CCR4: variants seen among roughly 807,000 people sequenced by gnomAD.
CCR4 encodes the protein C-C chemokine receptor type 4.
In CCR4, 9 loss-of-function variants were observed where a neutral mutation model predicts 17.1. The observed-to-expected ratio is 0.53, with a 90% confidence interval of 0.32 to 0.92. The LOEUF is 0.92. Ranked by LOEUF, CCR4 falls within the 40% of genes least tolerant of loss-of-function variation. CCR4 has a pLI of 0.04. For missense variants in CCR4, 385 were observed against 433.9 expected, an observed-to-expected ratio of 0.89 and a Z score of 1.00; for synonymous variants, 217 against 174.3, an observed-to-expected ratio of 1.24 and a Z score of -1.93.
At chr3:32,952,959 A>G (rs919650675) in intron 1 of CCR4, among the ~76,000 whole-genome samples, 5 of 152,216 alleles carry the variant, frequency 3.3e-5, no homozygotes, top group African/African-American at 7.2e-5. Context: ...GATGATGATC[A>G]TGATCATATA....
At chr3:32,951,896 G>A (rs1285976668) in intron 1 of CCR4, among the ~76,000 whole-genome samples, 1 of 151,998 alleles carries the variant, frequency 6.6e-6, no homozygotes, top group Non-Finnish European at 1.5e-5. Flanking sequence ...CACACATCTG[G>A]CCTGAGTCCA....
rs1697717848 is a variant in CCR4 at position 32,953,676 on chromosome 3, A to G, written c.254A>G (p.Asp85Gly). 1.9e-6 allele frequency: 3 copies of G among 1,613,942 alleles called. No individual in the cohort carries two copies. The highest frequency in any genetic ancestry group is 2.5e-6 in the Non-Finnish European group (3 of 1,179,996). Residue 85 changes from aspartate to glycine, a missense_variant, in exon 2 of 2, where the codon GAT (aspartate) becomes GGT (glycine). By Grantham distance (94) the Asp-to-Gly change is moderately conservative. Transcript: ENST00000330953. ...DVYLLNLAIS[D>G]LLFVFSLPFW... ...TACCTGCTCAACCTTGCCATCTCGGATCTGCTCTTCGTGTTTTCCCTCCCT... is the reference window on the plus strand; with the variant it reads ...TACCTGCTCAACCTTGCCATCTCGGGTCTGCTCTTCGTGTTTTCCCTCCCT...
Position 32,953,360 on chromosome 3 carries a change from T to G in CCR4, c.-51-12T>G. 1.3e-6 allele frequency: 2 copies of G among 1,516,242 alleles called. No individual in the cohort carries two copies. Among genetic ancestry groups the G allele is most frequent in the Non-Finnish European group, 1.8e-6 (2 of 1,139,376 alleles). The allele number at this position is 1,516,242 out of a possible 1,614,324, so 93.9% of individuals were successfully genotyped here. A position where few individuals can be genotyped will look rare whatever the true frequency, so the allele number is the denominator to read the frequency against. On this transcript the variant is annotated splice_polypyrimidine_tract_variant and intron_variant, in intron 1 of 1. Coordinates refer to ENST00000330953, the MANE Select transcript of CCR4 (RefSeq NM_005508.5). Reference sequence around the variant, plus strand: ...TTCTCACAGAAATCTCCTTTGCTCTTCCCCTCATTAGCTGCTTCTGGTTGG... The same window carrying G: ...TTCTCACAGAAATCTCCTTTGCTCTGCCCCTCATTAGCTGCTTCTGGTTGG...
At chr3:32,953,222 T>G (rs1414119196) in intron 1 of CCR4, 150 bp from the exon 2 acceptor site, 1 of 518,490 alleles carries the variant, frequency 1.9e-6, no homozygotes, top group Non-Finnish European at 3.2e-6. Flanking sequence ...TTCGTCTGGC[T>G]GCAGGGCCCT....
intron 1 of CCR4, 21 bp from the exon 2 acceptor site, chr3:32,953,351 C>G: frequency 6.7e-7 from 1 of 1,503,418 alleles, no homozygotes; most frequent in South Asian, 1.3e-5. Flanking sequence ...CAGAAATCTC[C>G]TTTGCTCTTC....
Position 32,953,483 on chromosome 3 carries a change from C to G in CCR4, c.61C>G (p.Leu21Val), listed in dbSNP as rs1475816567. ...LDESIYSNYYLYESIPKPCTK... is the reference protein window; with the variant it reads ...LDESIYSNYYVYESIPKPCTK... ...TGAAAGCATATACAGCAATTACTATCTGTATGAAAGTATCCCCAAGCCTTG... is the reference window on the plus strand; with the variant it reads ...TGAAAGCATATACAGCAATTACTATGTGTATGAAAGTATCCCCAAGCCTTG... Residue 21 changes from leucine to valine, a missense_variant, in exon 2 of 2, where the codon CTG (leucine) becomes GTG (valine). By Grantham distance (32) the Leu-to-Val change is conservative. Transcript: ENST00000330953. 4.3e-6 allele frequency: 7 copies of G among 1,614,076 alleles called. No individual in the cohort carries two copies. The highest frequency in any genetic ancestry group is 2.2e-5 in the East Asian group (1 of 44,886).
At position 32,955,803 on chromosome 3, in the gene CCR4, G is replaced by GT. The variant is rs1343559337; in HGVS notation, c.*1301dup. The GT allele has an allele frequency of 6.4e-6, 1 of 156,636 alleles. No individual in the cohort carries two copies. The highest frequency in any genetic ancestry group is 1.5e-5 in the Non-Finnish European group (1 of 67,976). The allele number at this position is 156,636 out of a possible 1,614,324, so 9.7% of individuals were successfully genotyped here. A position where few individuals can be genotyped will look rare whatever the true frequency, so the allele number is the denominator to read the frequency against. On this transcript the variant is annotated 3_prime_UTR_variant, in exon 2 of 2. Coordinates refer to ENST00000330953, the MANE Select transcript of CCR4 (RefSeq NM_005508.5). ...TTTTTGTATTTTCAGTAGAGATGGG[G>GT]TTTCACCATGTTAGCAAGGATGGTT...
chr3:32,952,986 G>T (rs895005628), intron 1 of CCR4, among the ~76,000 whole-genome samples: 5 of 152,170 alleles, frequency 3.3e-5, no homozygotes, highest in African/African-American at 1.2e-4. Context: ...ACCCAATTGA[G>T]AATTGTTCAA....
In CCR4 at chr3:32,954,304, T is replaced by C; in HGVS notation, c.882T>C (p.Phe294=). 1 of 1,614,108 alleles carries C rather than the reference T, an allele frequency of 6.2e-7. No homozygotes were observed. The highest frequency in any genetic ancestry group is 8.5e-7 in the Non-Finnish European group (1 of 1,180,028). ...TCCAGGCCACAGAAACTCTGGCTTTTGTTCACTGCTGCCTTAATCCCATCA... is the reference window on the plus strand; with the variant it reads ...TCCAGGCCACAGAAACTCTGGCTTTCGTTCACTGCTGCCTTAATCCCATCA... ...YAIQATETLA[F]VHCCLNPIIY... The change falls in exon 2 of 2, where the codon TTT becomes TTC. Residue 294 remains phenylalanine (F), a synonymous_variant. Transcript: ENST00000330953.
chr3:32,953,698 C>T lies in CCR4; in HGVS notation c.276C>T (p.Leu92=), dbSNP rs764331895. The T allele has an allele frequency of 7.4e-6, 12 of 1,614,054 alleles. No homozygotes were observed. The highest frequency in any genetic ancestry group is 8.5e-7 in the Non-Finnish European group (1 of 1,180,030). The part of the protein sequence containing the change: ...AISDLLFVFS[L]PFWGYYAADQ... Reference sequence around the variant, plus strand: ...CGGATCTGCTCTTCGTGTTTTCCCTCCCTTTTTGGGGCTACTATGCAGCAG... The same window carrying T: ...CGGATCTGCTCTTCGTGTTTTCCCTTCCTTTTTGGGGCTACTATGCAGCAG... Residue 92 remains leucine, a synonymous_variant, in exon 2 of 2, where the codon CTC becomes CTT. Coordinates refer to ENST00000330953, the MANE Select transcript of CCR4 (RefSeq NM_005508.5).
At chr3:32,952,715 A>AGT (rs1328238917) in intron 1 of CCR4, among the ~76,000 whole-genome samples, 3 of 152,234 alleles carry the variant, frequency 2.0e-5, no homozygotes, top group Admixed American at 6.5e-5. Flanking sequence ...GAAGCAAGGG[A>AGT]GTGGCCTTGA....
Position 32,953,415 on chromosome 3 carries a change from G to C in CCR4, c.-8G>C. 1 of 1,591,116 alleles carries C rather than the reference G, an allele frequency of 6.3e-7. No homozygotes were observed. Among genetic ancestry groups the C allele is most frequent in the Non-Finnish European group, 8.5e-7 (1 of 1,169,966 alleles). On this transcript the variant is annotated 5_prime_UTR_variant, in exon 2 of 2. Transcript: ENST00000330953. ...AGACCTGCCTTGAGGAGCCTGTAGAGTTAAAAAATGAACCCCACGGATATA... is the reference window on the plus strand; with the variant it reads ...AGACCTGCCTTGAGGAGCCTGTAGACTTAAAAAATGAACCCCACGGATATA...
chr3:32,952,963 T>A (rs1420431792), intron 1 of CCR4, among the ~76,000 whole-genome samples: 2 of 152,202 alleles, frequency 1.3e-5, no homozygotes, highest in Non-Finnish European at 2.9e-5. Context: ...ATGATCATGA[T>A]CATATAAAAT....
In CCR4 at chr3:32,954,190, A is replaced by G. The variant is rs150112836; in HGVS notation, c.768A>G (p.Thr256=). 14 of 1,613,944 alleles carry G rather than the reference A, an allele frequency of 8.7e-6. No homozygotes were observed. The African/African-American group carries it at 1.7e-4, about 20-fold the overall frequency. Residue 256 remains threonine, a synonymous_variant, in exon 2 of 2, where the codon ACA becomes ACG. Transcript: ENST00000330953. The part of the protein sequence containing the change: ...AVVVLFLGFW[T]PYNIVLFLET... ...TGGTCCTCTTCCTTGGGTTCTGGAC[A>G]CCTTACAACATAGTGCTCTTCCTAG...
In CCR4 at chr3:32,953,944, G is replaced by C. The variant is rs771156887; in HGVS notation, c.522G>C (p.Leu174=). Reference sequence around the variant, plus strand: ...TGTTCGCCTCCCTTCCTGGCTTTCTGTTCAGCACTTGTTATACTGAGCGCA... The same window carrying C: ...TGTTCGCCTCCCTTCCTGGCTTTCTCTTCAGCACTTGTTATACTGAGCGCA... ...VAVFASLPGF[L]FSTCYTERNH... Residue 174 remains leucine (L), a synonymous_variant, in exon 2 of 2, where the codon CTG becomes CTC. Coordinates refer to ENST00000330953, the MANE Select transcript of CCR4 (RefSeq NM_005508.5). The C allele has an allele frequency of 4.5e-5, 73 of 1,613,936 alleles. No individual in the cohort carries two copies. In the Middle Eastern group the frequency reaches 8.2e-4, roughly 18 times the overall value.
In CCR4 at chr3:32,955,868, C is replaced by G. The variant is rs1038669170; in HGVS notation, c.*1363C>G. On this transcript the variant is annotated 3_prime_UTR_variant, in exon 2 of 2. Coordinates refer to ENST00000330953, the MANE Select transcript of CCR4 (RefSeq NM_005508.5). ...TCGTGATCCACCCGCCTCGGCCTCC[C>G]AAAGTGCTGGGATTACAGGTGTGAG... 6.5e-6 allele frequency: 1 copy of G among 152,694 alleles called. No individual in the cohort carries two copies. Among genetic ancestry groups the G allele is most frequent in the Non-Finnish European group, 1.5e-5 (1 of 68,022 alleles). 9.5% of individuals were successfully genotyped at this position (152,694 alleles called of 1,614,324 possible).
At position 32,954,271 on chromosome 3, in the gene CCR4, C is replaced by T. The variant is rs1697728115; in HGVS notation, c.849C>T (p.Asp283=). The T allele has an allele frequency of 6.2e-7, 1 of 1,614,044 alleles. No individual in the cohort carries two copies. Among genetic ancestry groups the T allele is most frequent in the Non-Finnish European group, 8.5e-7 (1 of 1,179,992 alleles). ...ACTGCACCTTTGAAAGATACTTGGA[C>T]TATGCCATCCAGGCCACAGAAACTC... ...LQDCTFERYL[D]YAIQATETLA... Residue 283 remains aspartate (D), a synonymous_variant, in exon 2 of 2, where the codon GAC becomes GAT. Transcript: ENST00000330953.
Position 32,954,615 on chromosome 3 carries a change from A to G in CCR4, c.*110A>G. 8.4e-7 allele frequency: 1 copy of G among 1,195,790 alleles called. No individual in the cohort carries two copies. Among genetic ancestry groups the G allele is most frequent in the South Asian group, 2.0e-5 (1 of 49,964 alleles). The allele number at this position is 1,195,790 out of a possible 1,614,324, so 74.1% of individuals were successfully genotyped here. On this transcript the variant is annotated 3_prime_UTR_variant, in exon 2 of 2. Coordinates refer to ENST00000330953, the MANE Select transcript of CCR4 (RefSeq NM_005508.5). ...AGCCAGTGTCAGGAGGAAGGCTTACACCCACAGTGGAAAGACAGCTTCTCA... is the reference window on the plus strand; with the variant it reads ...AGCCAGTGTCAGGAGGAAGGCTTACGCCCACAGTGGAAAGACAGCTTCTCA...
rs1325991688 is a variant in CCR4 at position 32,953,855 on chromosome 3, T to C, written c.433T>C (p.Ser145Pro). ...CCTGGCAATTGTGCACGCGGTGTTTTCCTTGAGGGCAAGGACCTTGACTTA... is the reference window on the plus strand; with the variant it reads ...CCTGGCAATTGTGCACGCGGTGTTTCCCTTGAGGGCAAGGACCTTGACTTA... The part of the protein sequence containing the change: ...RYLAIVHAVF[S>P]LRARTLTYGV... The change falls in exon 2 of 2, where the codon TCC (serine) becomes CCC (proline). Residue 145 changes from serine (S) to proline (P), a missense_variant. Physicochemically the swap from Ser to Pro is moderately conservative, Grantham distance 74. Transcript: ENST00000330953. 1 of 1,614,042 alleles carries C rather than the reference T, an allele frequency of 6.2e-7. No individual in the cohort carries two copies. The highest frequency in any genetic ancestry group is 1.3e-5 in the African/African-American group (1 of 74,914).
Sources: gnomAD v4.1 joint callset for allele counts (sites outside exome capture counted in the v4.1 genomes callset) on GRCh38, gnomAD v4.1.1 for gene constraint, MANE v1.5 for transcripts, NCBI Gene and HGNC (gene_info 2026-07-23, HGNC 2026-07-21) for gene names.